Variants in HTR1E observed in about 807,000 individuals in gnomAD.
HTR1E encodes 5-hydroxytryptamine receptor 1E.
In HTR1E, 3 loss-of-function variants were observed where a neutral mutation model predicts 3.4. The observed-to-expected ratio is 0.89, with a 90% CI of 0.41 to 2.31. HTR1E has a LOEUF of 2.31. HTR1E is among the 30% of genes most tolerant of loss of function. The pLI is 0.05. For missense variants in HTR1E, 392 were observed against 467.0 expected, an observed-to-expected ratio of 0.84 and a Z score of 1.48; for synonymous variants, 170 against 182.8, an observed-to-expected ratio of 0.93 and a Z score of 0.56.
At chr6:86,966,096 T>C (rs978064569) in intron 1 of HTR1E, among the ~76,000 whole-genome samples, 8 of 152,188 alleles carry the variant, frequency 5.3e-5, no homozygotes, top group Middle Eastern at 3.4e-3. Context: ...CAGTCTTTCT[T>C]GGAGGGTGGT....
At chr6:87,011,914 T>C (rs1768243013) in intron 1 of HTR1E, among the ~76,000 whole-genome samples, 1 of 152,218 alleles carries the variant, frequency 6.6e-6, no homozygotes, top group African/African-American at 2.4e-5. Context: ...CTACATACCT[T>C]TCCCGCGCAA....
intron 1 of HTR1E, among the ~76,000 whole-genome samples, chr6:86,944,698 A>AC (rs1457957633): frequency 6.6e-6 from 1 of 152,258 alleles, no homozygotes; most frequent in Non-Finnish European, 1.5e-5. Flanking sequence ...AATAGATAAT[A>AC]GACAGCCATG....
At chr6:87,004,961 A>G (rs906919413) in intron 1 of HTR1E, among the ~76,000 whole-genome samples, 2 of 152,194 alleles carry the variant, frequency 1.3e-5, no homozygotes, top group African/African-American at 4.8e-5. Flanking sequence ...AATCAGAAAA[A>G]GACATTAAGA....
At chr6:86,961,517 C>T (rs1355729307) in intron 1 of HTR1E, among the ~76,000 whole-genome samples, 1 of 152,112 alleles carries the variant, frequency 6.6e-6, no homozygotes, top group Non-Finnish European at 1.5e-5. Flanking sequence ...GAGTATCCGG[C>T]TATTCTAATT....
At chr6:86,982,572 G>T (rs1436393305) in intron 1 of HTR1E, among the ~76,000 whole-genome samples, 1 of 151,786 alleles carries the variant, frequency 6.6e-6, no homozygotes, top group Non-Finnish European at 1.5e-5. Context: ...TACCTGCTCA[G>T]ATTGGTGGGC....
intron 1 of HTR1E, among the ~76,000 whole-genome samples, chr6:87,013,973 A>T (rs914831904): frequency 1.3e-5 from 2 of 152,166 alleles, no homozygotes; most frequent in African/African-American, 4.8e-5. Flanking sequence ...AATGGTGATC[A>T]TTAAAAAGCC....
At chr6:86,951,142 C>T (rs1480416981) in intron 1 of HTR1E, among the ~76,000 whole-genome samples, 2 of 152,140 alleles carry the variant, frequency 1.3e-5, no homozygotes, top group African/African-American at 4.8e-5. Flanking sequence ...GCTCATGATG[C>T]TGATAACACA....
chr6:87,011,162 T>C (rs557344873), intron 1 of HTR1E, among the ~76,000 whole-genome samples: 1 of 152,340 alleles, frequency 6.6e-6, no homozygotes, highest in East Asian at 1.9e-4. Context: ...CAGAACATCA[T>C]GTGGAGCCAG....
chr6:86,997,913 G>A (rs1007783484), intron 1 of HTR1E, among the ~76,000 whole-genome samples: 1 of 151,844 alleles, frequency 6.6e-6, no homozygotes, highest in African/African-American at 2.4e-5. Context: ...GGCATGTCAT[G>A]CAAACATTAA....
chr6:86,954,040 C>T (rs1767287929), intron 1 of HTR1E, among the ~76,000 whole-genome samples: 2 of 152,142 alleles, frequency 1.3e-5, no homozygotes, highest in Admixed American at 6.6e-5. Flanking sequence ...TTGGGAATTA[C>T]AATTCAATAT....
chr6:86,958,241 G>A (rs1465254224), intron 1 of HTR1E, among the ~76,000 whole-genome samples: 1 of 151,982 alleles, frequency 6.6e-6, no homozygotes, highest in Non-Finnish European at 1.5e-5. Context: ...TGTATTTTTA[G>A]TAGAGACGAG....
intron 1 of HTR1E, among the ~76,000 whole-genome samples, chr6:86,945,732 G>A (rs1195042922): frequency 6.6e-6 from 1 of 151,720 alleles, no homozygotes; most frequent in Admixed American, 6.6e-5. Flanking sequence ...TTTTGTTTTT[G>A]TTTTTGTTTT....
rs753282424 is a variant in HTR1E at position 87,016,465 on chromosome 6, A to C, written c.*33A>C. 6.5e-7 allele frequency: 1 copy of C among 1,547,800 alleles called. No individual in the cohort carries two copies. The highest frequency in any genetic ancestry group is 1.9e-5 in the Admixed American group (1 of 52,432). Reference sequence around the variant, plus strand: ...AAAGCTAAAAGGCACGACTTTTTCCAGAGCCTCATGAGTGGATGGGGGTAA... The same window carrying C: ...AAAGCTAAAAGGCACGACTTTTTCCCGAGCCTCATGAGTGGATGGGGGTAA... On this transcript the variant is annotated 3_prime_UTR_variant, in exon 2 of 2. Coordinates refer to ENST00000305344, the MANE Select transcript of HTR1E (RefSeq NM_000865.3).
At chr6:86,980,282 G>A (rs956681039) in intron 1 of HTR1E, among the ~76,000 whole-genome samples, 1 of 151,892 alleles carries the variant, frequency 6.6e-6, no homozygotes, top group Admixed American at 6.6e-5. Context: ...AGCTACTCGG[G>A]AGGCTGAGGC....
chr6:86,939,063 G>T (rs1768510260), intron 1 of HTR1E, among the ~76,000 whole-genome samples: 1 of 152,190 alleles, frequency 6.6e-6, no homozygotes, highest in Non-Finnish European at 1.5e-5. Flanking sequence ...TTGAAATACA[G>T]AGAAGATTGA....
chr6:86,980,676 A>C (rs1311965216), intron 1 of HTR1E, among the ~76,000 whole-genome samples: 2 of 152,192 alleles, frequency 1.3e-5, no homozygotes, highest in Non-Finnish European at 2.9e-5. Context: ...ATAATCATTA[A>C]GTTTCTGATA....
intron 1 of HTR1E, among the ~76,000 whole-genome samples, chr6:86,949,005 A>G (rs895001130): frequency 2.0e-5 from 3 of 152,242 alleles, no homozygotes; most frequent in African/African-American, 7.2e-5. Flanking sequence ...TACACTTGAC[A>G]CTGAAGTTTC....
intron 1 of HTR1E, among the ~76,000 whole-genome samples, chr6:86,963,285 C>G (rs1767432598): frequency 6.6e-6 from 1 of 151,876 alleles, no homozygotes; most frequent in Non-Finnish European, 1.5e-5. Context: ...TTTTGTACAG[C>G]TGTACAATGT....
chr6:87,015,106 G>A (rs574334379), intron 1 of HTR1E, 44 bp from the exon 2 acceptor site: 1 of 359,440 alleles, frequency 2.8e-6, no homozygotes, highest in African/African-American at 2.1e-5. Flanking sequence ...TCCAGGAAAA[G>A]TGTGGCTTTC....
Sources: gnomAD v4.1 joint callset for allele counts (sites outside exome capture counted in the v4.1 genomes callset) on GRCh38, gnomAD v4.1.1 for gene constraint, MANE v1.5 for transcripts, NCBI Gene and HGNC (gene_info 2026-07-23, HGNC 2026-07-21) for gene names.